MBNL2: variants seen among roughly 807,000 people sequenced by gnomAD.
The protein encoded by MBNL2 is muscleblind-like protein 2.
MBNL2 carries 17 observed loss-of-function variants against 41.9 expected under a neutral mutation model. That is an observed-to-expected ratio of 0.41 (90% CI 0.28 to 0.61). MBNL2 has a LOEUF of 0.61. Among genes scored for constraint, MBNL2 ranks in the 20% least tolerant of loss-of-function variants. The pLI, the probability that MBNL2 is intolerant of heterozygous loss-of-function variation, is 0.35. For missense variants in MBNL2, 336 were observed against 505.6 expected (o/e 0.66, Z 3.22); for synonymous variants, 195 against 182.9 (o/e 1.07, Z -0.53).
At chr13:97,160,757 T>C in the MBNL2 span, among the ~76,000 whole-genome samples, 7 of 152,232 alleles carry the variant, frequency 4.6e-5, no homozygotes, top group Admixed American at 3.9e-4. Context: ...CTTGTTCTTA[T>C]TAGCATGGGT....
At chr13:97,310,222 A>T (rs1324160533) in intron 2 of MBNL2, among the ~76,000 whole-genome samples, 1 of 152,156 alleles carries the variant, frequency 6.6e-6, no homozygotes, top group Non-Finnish European at 1.5e-5. Context: ...ATCCCAGACA[A>T]GTCACGTTCT....
the MBNL2 span, among the ~76,000 whole-genome samples, chr13:97,213,102 G>A: frequency 2.0e-5 from 3 of 152,152 alleles, no homozygotes; most frequent in South Asian, 2.1e-4. Flanking sequence ...GTAGCATTGA[G>A]GTGTGCTAGA....
chr13:97,170,549 G>A, the MBNL2 span, among the ~76,000 whole-genome samples: 6 of 152,162 alleles, frequency 3.9e-5, no homozygotes, highest in Non-Finnish European at 7.3e-5. Context: ...GGGTGGCTAG[G>A]CAGTGGGTGC....
At chr13:97,307,190 T>C (rs983198969) in intron 2 of MBNL2, among the ~76,000 whole-genome samples, 4 of 152,152 alleles carry the variant, frequency 2.6e-5, no homozygotes, top group African/African-American at 4.8e-5. Context: ...TGGTTGATGA[T>C]TGATTATTTG....
chr13:97,367,787 C>T (rs1392495443), intron 8 of MBNL2, among the ~76,000 whole-genome samples: 1 of 152,068 alleles, frequency 6.6e-6, no homozygotes. Flanking sequence ...CAACTGAGGA[C>T]GATTCTTCAG....
chr13:97,358,101 A>G (rs573182173), intron 7 of MBNL2, among the ~76,000 whole-genome samples: 2 of 152,184 alleles, frequency 1.3e-5, no homozygotes, highest in Non-Finnish European at 1.5e-5. Flanking sequence ...TATTCATTCT[A>G]TCTCTTTCTC....
intron 7 of MBNL2, among the ~76,000 whole-genome samples, chr13:97,362,484 C>T (rs2063490978): frequency 6.6e-6 from 1 of 151,976 alleles, no homozygotes; most frequent in Non-Finnish European, 1.5e-5. Context: ...TATTCTAGGC[C>T]AAGGGGACAG....
At chr13:97,142,847 T>C in the MBNL2 span, among the ~76,000 whole-genome samples, 1 of 152,242 alleles carries the variant, frequency 6.6e-6, no homozygotes, top group East Asian at 1.9e-4. Context: ...GGGTTTTGCT[T>C]TTTTATCTTA....
rs2060741829 is a variant in MBNL2 at position 97,334,858 on chromosome 13, A to G, written c.339+418A>G. 6.6e-6 allele frequency among the ~76,000 whole-genome samples: 1 copy of G among 152,214 alleles called. No homozygotes were observed. Among genetic ancestry groups the G allele is most frequent in the Non-Finnish European group, 1.5e-5 (1 of 68,042 alleles). ...GGATGAGGAAATTGAGAAACCAGAG[A>G]AGTTCAATGATTTTCCGCAATGTCA... On this transcript the variant is annotated intron_variant, in intron 3 of 8. Transcript: ENST00000679496. This position sits in a 1 kb window ranked among gnomAD's most constrained non-coding sequence, Gnocchi z 5.3.
At chr13:97,340,841 T>G (rs535196005) in intron 3 of MBNL2, among the ~76,000 whole-genome samples, 2 of 152,332 alleles carry the variant, frequency 1.3e-5, no homozygotes, top group East Asian at 3.9e-4. Context: ...TGACATATAT[T>G]TTTGAAGACA....
At chr13:97,288,511 C>A (rs1381399044) in intron 2 of MBNL2, among the ~76,000 whole-genome samples, 1 of 152,106 alleles carries the variant, frequency 6.6e-6, no homozygotes, top group African/African-American at 2.4e-5. Context: ...TAATCAAGTC[C>A]CCAAGAAACT....
chr13:97,349,110 C>T lies in MBNL2; in HGVS notation c.804+2043C>T, dbSNP rs181054528. 8.4e-4 allele frequency among the ~76,000 whole-genome samples: 128 copies of T among 152,296 alleles called. 1 individual carries two copies. Among genetic ancestry groups the T allele is most frequent in the African/African-American group, 2.8e-3 (118 of 41,550 alleles). On this transcript the variant is annotated intron_variant, in intron 5 of 8. Transcript: ENST00000679496. The stretch of plus-strand genomic sequence containing the variant: ...TCCCTTTAGTGTCCTTTCCTCTCGT[C>T]CTTCTCATTCATATGTTATTGGACC...
At chr13:97,285,284 T>C (rs2054196367) in intron 2 of MBNL2, among the ~76,000 whole-genome samples, 1 of 152,218 alleles carries the variant, frequency 6.6e-6, no homozygotes. Flanking sequence ...GCAAATGTTC[T>C]TTAGCTCACT....
intron 1 of MBNL2, among the ~76,000 whole-genome samples, chr13:97,245,004 TAA>T (rs200752778): frequency 0.011 from 1,619 of 152,232 alleles, 34 homozygotes; most frequent in African/African-American, 0.036. Flanking sequence ...TTCTTATTAA[TAA>T]AGAGATAAGA....
At chr13:97,156,725 T>C in the MBNL2 span, among the ~76,000 whole-genome samples, 1 of 150,396 alleles carries the variant, frequency 6.6e-6, no homozygotes, top group Admixed American at 6.6e-5. Flanking sequence ...GCGTTATTTC[T>C]GAGGGCTCTG....
Position 97,347,048 on chromosome 13 carries a change from C to T in MBNL2, c.785C>T (p.Ala262Val), listed in dbSNP as rs775057660. 3 of 1,603,758 alleles carry T rather than the reference C, an allele frequency of 1.9e-6. No individual in the cohort carries two copies. Among genetic ancestry groups the T allele is most frequent in the East Asian group, 2.2e-5 (1 of 44,532 alleles). ...NQAAVAAQAA[A>V]AAATVMTQST... Reference sequence around the variant, plus strand: ...GCTGCGGTGGCCGCCCAGGCAGCCGCGGCCGCGGCCACAGTCATGGTAAGT... The same window carrying T: ...GCTGCGGTGGCCGCCCAGGCAGCCGTGGCCGCGGCCACAGTCATGGTAAGT... The change falls in exon 5 of 9, where the codon GCG (alanine) becomes GTG (valine). Residue 262 changes from alanine (A) to valine (V), a missense_variant. Ala to Val is a moderately conservative substitution (Grantham distance 64). Transcript: ENST00000679496.
chr13:97,147,969 A>G, the MBNL2 span, among the ~76,000 whole-genome samples: 5 of 152,270 alleles, frequency 3.3e-5, no homozygotes, highest in South Asian at 8.3e-4. Flanking sequence ...GCAACTAGAA[A>G]TGGCAGCAGA....
At chr13:97,368,057 C>T (rs1383520878) in intron 8 of MBNL2, among the ~76,000 whole-genome samples, 1 of 152,114 alleles carries the variant, frequency 6.6e-6, no homozygotes, top group African/African-American at 2.4e-5. Flanking sequence ...AGTCCTGCCT[C>T]CTTGAACTAT....
intron 1 of MBNL2, among the ~76,000 whole-genome samples, chr13:97,255,159 C>G (rs1187620546): frequency 1.3e-5 from 2 of 152,122 alleles, no homozygotes; most frequent in Non-Finnish European, 1.5e-5. Flanking sequence ...ACCTTGGAGA[C>G]CCTGCTGTTC....
Sources: gnomAD v4.1 joint callset for allele counts (sites outside exome capture counted in the v4.1 genomes callset) on GRCh38, gnomAD v4.1.1 for gene constraint, Gnocchi (gnomAD v3.1) non-coding constraint, MANE v1.5 for transcripts, NCBI Gene and HGNC (gene_info 2026-07-23, HGNC 2026-07-21) for gene names.